QTMAN: variants seen among roughly 807,000 people sequenced by gnomAD.
The protein encoded by QTMAN is queuosine-tRNA mannosyltransferase.
the QTMAN span, among the ~76,000 whole-genome samples, chr2:144,170,838 T>G: frequency 4.7e-4 from 72 of 152,246 alleles, no homozygotes; most frequent in African/African-American, 1.7e-3. Context: ...CTAGAAAGAC[T>G]GAACTACTTG....
At chr2:144,211,991 C>T in the QTMAN span, among the ~76,000 whole-genome samples, 1 of 152,182 alleles carries the variant, frequency 6.6e-6, no homozygotes, top group African/African-American at 2.4e-5. Context: ...GTTGAAAGTG[C>T]TAACTCCAAA....
At chr2:144,260,239 C>A in the QTMAN span, among the ~76,000 whole-genome samples, 1 of 151,916 alleles carries the variant, frequency 6.6e-6, no homozygotes, top group Non-Finnish European at 1.5e-5. Context: ...AATGAAATAA[C>A]ATCATTTTTA....
the QTMAN span, among the ~76,000 whole-genome samples, chr2:144,045,350 C>T: frequency 2.6e-5 from 4 of 152,318 alleles, no homozygotes; most frequent in East Asian, 7.7e-4. Flanking sequence ...ATGTCTTTGA[C>T]TTTTATTTTG....
chr2:144,275,417 C>T, the QTMAN span, among the ~76,000 whole-genome samples: 12 of 151,794 alleles, frequency 7.9e-5, no homozygotes, highest in Non-Finnish European at 1.5e-4. Context: ...TATTAGTATG[C>T]TATTTCTGCC....
At chr2:143,960,648 G>A in the QTMAN span, among the ~76,000 whole-genome samples, 1 of 152,040 alleles carries the variant, frequency 6.6e-6, no homozygotes, top group Non-Finnish European at 1.5e-5. Context: ...GGTGAAGAAC[G>A]AGTGAGAGGC....
chr2:143,961,059 AG>A, the QTMAN span, among the ~76,000 whole-genome samples: 1 of 152,174 alleles, frequency 6.6e-6, no homozygotes, highest in African/African-American at 2.4e-5. Context: ...TCAATGGCAG[AG>A]CTGGAACTAG....
the QTMAN span, among the ~76,000 whole-genome samples, chr2:144,012,854 C>T: frequency 1.3e-5 from 2 of 152,022 alleles, no homozygotes; most frequent in African/African-American, 2.4e-5. Context: ...ATATTTGAGC[C>T]AGTGAAGAGA....
chr2:144,194,617 C>G, the QTMAN span, among the ~76,000 whole-genome samples: 5 of 152,156 alleles, frequency 3.3e-5, no homozygotes, highest in Non-Finnish European at 4.4e-5. Flanking sequence ...AGAACAAATA[C>G]ATTAGTCGGT....
At chr2:144,172,781 T>A in the QTMAN span, among the ~76,000 whole-genome samples, 5 of 152,104 alleles carry the variant, frequency 3.3e-5, no homozygotes, top group Non-Finnish European at 7.3e-5. Flanking sequence ...CACCACCTAC[T>A]AGTAGAGATG....
the QTMAN span, among the ~76,000 whole-genome samples, chr2:144,010,859 G>GGA: frequency 6.6e-6 from 1 of 152,076 alleles, no homozygotes; most frequent in Non-Finnish European, 1.5e-5. Context: ...GGTATAACCA[G>GGA]GAGTAACGGG....
the QTMAN span, among the ~76,000 whole-genome samples, chr2:144,091,861 T>C: frequency 6.6e-6 from 1 of 152,054 alleles, no homozygotes; most frequent in Non-Finnish European, 1.5e-5. Context: ...AAAAAAAGAA[T>C]GGACTATTAG....
chr2:144,117,907 G>A, the QTMAN span, among the ~76,000 whole-genome samples: 2 of 152,028 alleles, frequency 1.3e-5, no homozygotes, highest in Middle Eastern at 3.4e-3. Flanking sequence ...GTGCAGTGGC[G>A]CCCTCTTGGC....
At chr2:143,958,760 G>T in the QTMAN span, among the ~76,000 whole-genome samples, 1 of 150,104 alleles carries the variant, frequency 6.7e-6, no homozygotes, top group African/African-American at 2.4e-5. Context: ...AGAGAGTTTG[G>T]GTGATTTTTA....
chr2:144,141,994 T>C, the QTMAN span: 2 of 1,610,384 alleles, frequency 1.2e-6, no homozygotes, highest in South Asian at 1.1e-5. Context: ...AATTTTCCCA[T>C]GGAAGTGAGA....
chr2:144,242,340 C>G, the QTMAN span, among the ~76,000 whole-genome samples: 1 of 151,930 alleles, frequency 6.6e-6, no homozygotes, highest in Admixed American at 6.6e-5. Context: ...AAAGTTACTT[C>G]TATTATTAAA....
the QTMAN span, among the ~76,000 whole-genome samples, chr2:144,063,433 T>C: frequency 6.6e-6 from 1 of 152,198 alleles, no homozygotes; most frequent in South Asian, 2.1e-4. Flanking sequence ...AAAAACATTA[T>C]ATAACAAATG....
chr2:144,281,323 C>A, the QTMAN span, among the ~76,000 whole-genome samples: 29 of 136,506 alleles, frequency 2.1e-4, no homozygotes, highest in Admixed American at 4.1e-4. Flanking sequence ...CATTATATAT[C>A]ATCAGAATTA....
the QTMAN span, among the ~76,000 whole-genome samples, chr2:143,989,239 T>C: frequency 2.0e-5 from 3 of 151,728 alleles, no homozygotes; most frequent in Admixed American, 6.5e-5. Context: ...AAAATTTTAA[T>C]GTAATATAAT....
chr2:144,031,191 AT>A, the QTMAN span, among the ~76,000 whole-genome samples: 15,426 of 146,798 alleles, frequency 0.11, 1,158 homozygotes, highest in East Asian at 0.25. Flanking sequence ...GACAACTGTT[AT>A]TTTTTTTTTT....
Sources: gnomAD v4.1 joint callset for allele counts (sites outside exome capture counted in the v4.1 genomes callset) on GRCh38, gnomAD v4.1.1 for gene constraint, MANE v1.5 for transcripts, NCBI Gene and HGNC (gene_info 2026-07-23, HGNC 2026-07-21) for gene names.